The following AKAP13 variants were observed in gnomAD, a reference collection of about 807,000 sequenced individuals.
AKAP13 encodes A-kinase anchor protein 13.
In AKAP13, 80 loss-of-function variants were observed where a neutral mutation model predicts 264.5. The observed-to-expected ratio is 0.30, with a 90% CI of 0.25 to 0.36. AKAP13 has a LOEUF of 0.36. Among genes scored for constraint, AKAP13 ranks in the 10% least tolerant of loss-of-function variants. AKAP13 has a pLI of 1.00. For missense variants in AKAP13, 3,712 were observed against 3,435.2 expected (o/e 1.08, Z -2.01); for synonymous variants, 1,380 against 1,250.2 (o/e 1.10, Z -2.19).
At chr15:85,623,383 C>T (rs1411014172) in intron 8 of AKAP13, among the ~76,000 whole-genome samples, 3 of 152,168 alleles carry the variant, frequency 2.0e-5, no homozygotes, top group African/African-American at 7.2e-5. Context: ...GTGAGCCTGT[C>T]ACTTTGGTAT....
chr15:85,673,694 G>GT (rs2084052641), intron 14 of AKAP13, among the ~76,000 whole-genome samples: 1 of 84,138 alleles, frequency 1.2e-5, no homozygotes, highest in South Asian at 4.7e-4. Flanking sequence ...TTTTTTTTTG[G>GT]GGAGACAGAA....
At chr15:85,409,220 T>C (rs978119020) in intron 1 of AKAP13, among the ~76,000 whole-genome samples, 1 of 151,840 alleles carries the variant, frequency 6.6e-6, no homozygotes, top group African/African-American at 2.4e-5. Flanking sequence ...ACTCGTCGCC[T>C]AGCCTGGAGT....
At chr15:85,455,376 G>C (rs1335157133) in intron 1 of AKAP13, among the ~76,000 whole-genome samples, 3 of 152,108 alleles carry the variant, frequency 2.0e-5, no homozygotes. Flanking sequence ...ATAGGGTTGA[G>C]GATGGCAACA....
intron 8 of AKAP13, among the ~76,000 whole-genome samples, chr15:85,587,659 A>G (rs1299675742): frequency 6.6e-6 from 1 of 151,236 alleles, no homozygotes; most frequent in Non-Finnish European, 1.5e-5. Flanking sequence ...TTTATTTTTT[A>G]TTTTTTTGAG....
chr15:85,521,485 G>A lies in AKAP13; in HGVS notation c.91G>A (p.Val31Met), dbSNP rs779869509. 1 of 1,614,160 alleles carries A rather than the reference G, an allele frequency of 6.2e-7. No individual in the cohort carries two copies. Among genetic ancestry groups the A allele is most frequent in the Non-Finnish European group, 8.5e-7 (1 of 1,180,010 alleles). ...AGAGGACAAAGCTGAAGATGATGTAGTGTTTTACTTGGTATTTTTGGGTTC... is the reference window on the plus strand; with the variant it reads ...AGAGGACAAAGCTGAAGATGATGTAATGTTTTACTTGGTATTTTTGGGTTC... The part of the protein sequence containing the change: ...AEEDKAEDDV[V>M]FYLVFLGSTL... Residue 31 changes from valine (V) to methionine (M), a missense_variant, in exon 3 of 37, where the codon GTG (valine) becomes ATG (methionine). Val to Met is a conservative substitution (Grantham distance 21, BLOSUM62 1). This residue lies in a region of AKAP13 where 2,759 missense variants were observed against 2,411.7 expected (regional missense o/e 1.14). Coordinates refer to ENST00000394518, the MANE Select transcript of AKAP13 (RefSeq NM_007200.5).
At chr15:85,507,313 A>T (rs1047964849) in intron 2 of AKAP13, among the ~76,000 whole-genome samples, 5 of 151,946 alleles carry the variant, frequency 3.3e-5, no homozygotes, top group Non-Finnish European at 7.4e-5. Flanking sequence ...CTGTTTTTGT[A>T]AATAAAGTTT....
At position 85,579,953 on chromosome 15, in the gene AKAP13, G is replaced by A. The variant is rs767705245; in HGVS notation, c.1885G>A (p.Val629Ile). 9.9e-6 allele frequency: 16 copies of A among 1,614,188 alleles called. No homozygotes were observed. The South Asian group carries it at 1.5e-4, about 16-fold the overall frequency. The stretch of plus-strand genomic sequence containing the variant: ...AGCCCTTCTTGGGCTGGAAGAAGAT[G>A]TAATGCCACACCAGAACTCAGAAAC... ...DLALLGLEED[V>I]MPHQNSETNS... The change falls in exon 7 of 37, where the codon GTA becomes ATA. Residue 629 changes from valine (V) to isoleucine (I), a missense_variant. By Grantham distance (29) the Val-to-Ile change is conservative. This residue lies in a region of AKAP13 where 2,759 missense variants were observed against 2,411.7 expected (regional missense o/e 1.14). Transcript: ENST00000394518.
chr15:85,492,209 A>T (rs909011968), intron 2 of AKAP13, among the ~76,000 whole-genome samples: 1 of 152,238 alleles, frequency 6.6e-6, no homozygotes, highest in Non-Finnish European at 1.5e-5. Context: ...AAAAGATTTA[A>T]TGGGTTTTAT....
chr15:85,682,669 CT>C (rs200567786), intron 15 of AKAP13, among the ~76,000 whole-genome samples: 15 of 149,798 alleles, frequency 1.0e-4, no homozygotes, highest in Non-Finnish European at 1.9e-4. Flanking sequence ...CGAATTGATT[CT>C]TTTTTTTTTC....
At chr15:85,736,912 C>T (rs979877213) in intron 33 of AKAP13, among the ~76,000 whole-genome samples, 80 of 98,036 alleles carry the variant, frequency 8.2e-4, no homozygotes, top group African/African-American at 2.9e-3. Context: ...ATATCATCAT[C>T]TTTTTTTTTT....
intron 17 of AKAP13, among the ~76,000 whole-genome samples, chr15:85,696,360 C>A (rs2085566680): frequency 6.6e-6 from 1 of 152,134 alleles, no homozygotes; most frequent in Admixed American, 6.5e-5. Flanking sequence ...GTGAAGAATA[C>A]CCCGCTCCCT....
At chr15:85,690,030 A>T (rs2085191133) in intron 16 of AKAP13, 1 of 152,244 alleles carries the variant, frequency 6.6e-6, no homozygotes, top group African/African-American at 2.4e-5. Context: ...GGGTCGAATC[A>T]TGTCGATAAA....
chr15:85,709,558 C>A lies in AKAP13; in HGVS notation c.5533-1021C>A, dbSNP rs187494733. ...CACCATAGTCATTTGAGTTTGTGAT[C>A]TCTGATAAGACTCAATTGTTGTGAA... On this transcript the variant is annotated intron_variant, in intron 18 of 36. Coordinates refer to ENST00000394518, the MANE Select transcript of AKAP13 (RefSeq NM_007200.5). Among the ~76,000 whole-genome samples the A allele has an allele frequency of 2.0e-3, 298 of 152,164 alleles. 3 individuals carry two copies. The highest frequency in any genetic ancestry group is 6.0e-4 in the Non-Finnish European group (41 of 67,992).
chr15:85,422,798 A>G (rs2072582518), intron 1 of AKAP13, among the ~76,000 whole-genome samples: 1 of 152,038 alleles, frequency 6.6e-6, no homozygotes, highest in Non-Finnish European at 1.5e-5. Context: ...TTAATATGAT[A>G]TTTTCTGGTT....
At chr15:85,689,586 C>G (rs1387969141) in intron 16 of AKAP13, among the ~76,000 whole-genome samples, 1 of 152,224 alleles carries the variant, frequency 6.6e-6, no homozygotes, top group Non-Finnish European at 1.5e-5. Flanking sequence ...CAGAAAATAA[C>G]TAGTCACCAC....
chr15:85,412,192 G>A (rs1414687477), intron 1 of AKAP13, among the ~76,000 whole-genome samples: 1 of 152,194 alleles, frequency 6.6e-6, no homozygotes, highest in East Asian at 1.9e-4. Flanking sequence ...AACGGTCATT[G>A]ATACAGTTTC....
rs2087476652 is a variant in AKAP13, at chr15:85,724,373, C to T, written c.6745+1053C>T. Among the ~76,000 whole-genome samples the T allele has an allele frequency of 2.0e-5, 3 of 151,976 alleles. No homozygotes were observed. In the South Asian group the frequency reaches 6.2e-4, roughly 31 times the overall value. Reference sequence around the variant, plus strand: ...GTGAGTGCTGGAATGGAGGAGAAAGCAAGAGGAATAGCAATAGAGTCAAGT... The same window carrying T: ...GTGAGTGCTGGAATGGAGGAGAAAGTAAGAGGAATAGCAATAGAGTCAAGT... On this transcript the variant is annotated intron_variant, in intron 26 of 36. Transcript: ENST00000394518. This position sits in a 1 kb window ranked among gnomAD's most constrained non-coding sequence, Gnocchi z 4.2.
At chr15:85,489,393 G>A (rs755976640) in intron 2 of AKAP13, among the ~76,000 whole-genome samples, 2 of 152,152 alleles carry the variant, frequency 1.3e-5, no homozygotes, top group Non-Finnish European at 2.9e-5. Context: ...ACTTAATGGG[G>A]CAATATGTTA....
At chr15:85,449,642 GT>G (rs2150975258) in intron 1 of AKAP13, among the ~76,000 whole-genome samples, 1 of 152,174 alleles carries the variant, frequency 6.6e-6, no homozygotes, top group South Asian at 2.1e-4. Flanking sequence ...GCGATGTTGA[GT>G]TTTATCAAAA....
Sources: gnomAD v4.1 joint callset for allele counts (sites outside exome capture counted in the v4.1 genomes callset) on GRCh38, gnomAD v4.1.1 for gene constraint, gnomAD v4.1.1 regional missense constraint, Gnocchi (gnomAD v3.1) non-coding constraint, MANE v1.5 for transcripts, NCBI Gene and HGNC (gene_info 2026-07-23, HGNC 2026-07-21) for gene names.